Variants in TENM2 observed in about 807,000 individuals in gnomAD.
TENM2 encodes teneurin-2.
TENM2 carries 52 observed loss-of-function variants against 245.2 expected under a neutral mutation model. The ratio of observed to expected loss-of-function variants is 0.21; its 90% confidence interval spans 0.17 to 0.27. TENM2 has a LOEUF of 0.27. Among genes scored for constraint, TENM2 ranks in the 10% least tolerant of loss-of-function variants. TENM2 has a pLI of 1.00. For missense variants in TENM2, 3,046 were observed against 3,666.8 expected, an observed-to-expected ratio of 0.83 and a Z score of 4.37; for synonymous variants, 1,363 against 1,438.9, an observed-to-expected ratio of 0.95 and a Z score of 1.19.
intron 1 of TENM2, among the ~76,000 whole-genome samples, chr5:167,318,637 C>T (rs79196339): frequency 0.017 from 2,576 of 152,244 alleles, 37 homozygotes; most frequent in African/African-American, 0.042. Flanking sequence ...CTTCCAATGG[C>T]AGCTGAGTCA....
chr5:167,599,234 TTAGG>T (rs1197261493), intron 2 of TENM2, among the ~76,000 whole-genome samples: 2 of 152,158 alleles, frequency 1.3e-5, no homozygotes, highest in Non-Finnish European at 2.9e-5. Flanking sequence ...TGTTGTCTTA[TTAGG>T]TAGGGTATGA....
chr5:167,181,464 G>A, the TENM2 span, among the ~76,000 whole-genome samples: 3 of 112,032 alleles, frequency 2.7e-5, no homozygotes, highest in Admixed American at 1.9e-4. Context: ...GGAGCCGCTC[G>A]TTTGTGTGTG....
At chr5:167,314,218 T>C (rs1756215798) in intron 1 of TENM2, among the ~76,000 whole-genome samples, 1 of 152,212 alleles carries the variant, frequency 6.6e-6, no homozygotes, top group African/African-American at 2.4e-5. Context: ...TGAATGTTTG[T>C]TCTTCTATTA....
intron 27 of TENM2, among the ~76,000 whole-genome samples, chr5:168,259,730 A>G (rs1768016294): frequency 1.3e-5 from 2 of 152,226 alleles, no homozygotes; most frequent in South Asian, 2.1e-4. Context: ...GGCCTGCACA[A>G]CAGTAAGAAT....
At chr5:167,454,613 TTCTG>T (rs1160544257) in intron 2 of TENM2, among the ~76,000 whole-genome samples, 1 of 152,032 alleles carries the variant, frequency 6.6e-6, no homozygotes, top group Non-Finnish European at 1.5e-5. Context: ...GTGTCTGTAT[TTCTG>T]TCTTTCTCTC....
At chr5:167,311,237 C>T (rs959030855) in intron 1 of TENM2, among the ~76,000 whole-genome samples, 3 of 152,090 alleles carry the variant, frequency 2.0e-5, no homozygotes, top group African/African-American at 7.2e-5. Context: ...CGCTGTACTC[C>T]TTTTTGCTGG....
chr5:168,211,002 C>T (rs1305539210), intron 19 of TENM2, among the ~76,000 whole-genome samples: 1 of 152,090 alleles, frequency 6.6e-6, no homozygotes, highest in East Asian at 1.9e-4. Context: ...TCTTTGACTC[C>T]AATTCCAAGA....
chr5:167,260,205 G>A, the TENM2 span, among the ~76,000 whole-genome samples: 1 of 152,004 alleles, frequency 6.6e-6, no homozygotes, highest in Non-Finnish European at 1.5e-5. Flanking sequence ...GCTGTACTGT[G>A]TTAATTATGC....
At chr5:167,443,844 A>G (rs1006868401) in intron 2 of TENM2, among the ~76,000 whole-genome samples, 3 of 152,132 alleles carry the variant, frequency 2.0e-5, no homozygotes, top group Non-Finnish European at 4.4e-5. Context: ...TTAACTTTTA[A>G]AATTAAAAAA....
At chr5:167,643,253 T>C (rs962812124) in intron 2 of TENM2, among the ~76,000 whole-genome samples, 5 of 152,190 alleles carry the variant, frequency 3.3e-5, no homozygotes, top group African/African-American at 9.7e-5. Context: ...TGACCATTTA[T>C]AGTTAATCTT....
intron 2 of TENM2, among the ~76,000 whole-genome samples, chr5:167,389,962 G>A (rs1349489429): frequency 2.0e-5 from 3 of 152,100 alleles, no homozygotes; most frequent in Non-Finnish European, 2.9e-5. Flanking sequence ...ATAGTGGGAC[G>A]ATGCATCTCA....
At chr5:167,265,872 C>T in the TENM2 span, among the ~76,000 whole-genome samples, 26 of 152,098 alleles carry the variant, frequency 1.7e-4, no homozygotes, top group African/African-American at 6.0e-4. Flanking sequence ...TATGATCGAC[C>T]TAGCTTGGGT....
intron 2 of TENM2, among the ~76,000 whole-genome samples, chr5:167,394,574 A>G (rs1406481423): frequency 2.2e-5 from 3 of 138,948 alleles, no homozygotes; most frequent in African/African-American, 2.9e-5. Context: ...AAATGTATGT[A>G]TGTATTTATT....
intron 2 of TENM2, among the ~76,000 whole-genome samples, chr5:167,853,462 C>CAGGG (rs1191997243): frequency 9.2e-5 from 14 of 151,944 alleles, no homozygotes; most frequent in Admixed American, 4.6e-4. Context: ...TGGGAGCTTA[C>CAGGG]AGGGGTGAGA....
rs1408173160 is a variant in TENM2 at position 167,398,375 on chromosome 5, TTCC to T, written c.502+22904_502+22906del. Among the ~76,000 whole-genome samples the T allele has an allele frequency of 2.6e-4, 25 of 95,858 alleles. 1 individual carries two copies. In the South Asian group the frequency reaches 7.2e-3, roughly 27 times the overall value. The allele number at this position is 95,858 out of a possible 152,430, so 62.9% of individuals were successfully genotyped here. A position where few individuals can be genotyped will look rare whatever the true frequency, so the allele number is the denominator to read the frequency against. On this transcript the variant is annotated intron_variant, in intron 2 of 28. Transcript: ENST00000518659. ...CTTCTTTCTTTCTTTCCTTTCTTTC[TTCC>T]TTTCTTTCTTTCTTTCTTTCTTTCT... is the stretch of plus-strand genomic sequence containing the variant.
At chr5:167,858,986 A>C (rs1242857846) in intron 2 of TENM2, among the ~76,000 whole-genome samples, 3 of 144,538 alleles carry the variant, frequency 2.1e-5, no homozygotes, top group Non-Finnish European at 4.6e-5. Flanking sequence ...CTGGGATGTG[A>C]GGAGCCCCTC....
At chr5:167,583,437 G>T (rs1001811120) in intron 2 of TENM2, among the ~76,000 whole-genome samples, 11 of 150,176 alleles carry the variant, frequency 7.3e-5, no homozygotes, top group African/African-American at 2.7e-4. Flanking sequence ...GGTGATAGGG[G>T]CCTGTGGAGC....
chr5:167,371,613 G>A (rs770890046), intron 1 of TENM2, among the ~76,000 whole-genome samples: 2 of 151,834 alleles, frequency 1.3e-5, no homozygotes, highest in Admixed American at 6.6e-5. Context: ...AGCCTGCCTC[G>A]GCCTCCCAAA....
At chr5:167,889,170 T>C (rs187546450) in intron 3 of TENM2, among the ~76,000 whole-genome samples, 145 of 152,152 alleles carry the variant, frequency 9.5e-4, no homozygotes, top group African/African-American at 2.4e-3. Context: ...AGCAGAACAG[T>C]TTCCCCATAG....
Sources: gnomAD v4.1 joint callset for allele counts (sites outside exome capture counted in the v4.1 genomes callset) on GRCh38, gnomAD v4.1.1 for gene constraint, MANE v1.5 for transcripts, NCBI Gene and HGNC (gene_info 2026-07-23, HGNC 2026-07-21) for gene names.